Variants in ATAD3B observed in about 807,000 individuals in gnomAD.
The protein encoded by ATAD3B is ATPase family AAA domain containing 3B.
ATAD3B carries 59 observed loss-of-function variants against 70.2 expected under a neutral mutation model. The ratio of observed to expected loss-of-function variants is 0.84; its 90% confidence interval spans 0.68 to 1.04. ATAD3B has a LOEUF of 1.04. ATAD3B is among the 50% of genes least tolerant of loss of function. ATAD3B has a pLI of 0.00. For synonymous variants in ATAD3B, 423 were observed against 388.6 expected (o/e 1.09, Z -1.04); for missense variants, 961 against 913.4 (o/e 1.05, Z -0.67).
intron 12 of ATAD3B, 22 bp downstream of exon 12, chr1:1,487,936 T>G (rs760200386): frequency 6.2e-7 from 1 of 1,612,688 alleles, no homozygotes; most frequent in Non-Finnish European, 8.5e-7. Context: ...TAAGCCTCTG[T>G]CTGGCCACAG....
chr1:1,485,418 G>A (rs1640152160), intron 8 of ATAD3B, among the ~76,000 whole-genome samples: 2 of 152,006 alleles, frequency 1.3e-5, no homozygotes, highest in Admixed American at 6.6e-5. Context: ...GGAGCACATC[G>A]GGGTCCTTGC....
intron 2 of ATAD3B, chr1:1,478,282 C>T (rs1477050940): frequency 8.5e-6 from 7 of 828,126 alleles, no homozygotes; most frequent in Admixed American, 6.1e-5. Context: ...TAGGCAAGAG[C>T]GATGGCGCCC....
chr1:1,482,475 C>G (rs1476240646), intron 6 of ATAD3B, 70 bp from the exon 7 acceptor site: 2 of 1,611,942 alleles, frequency 1.2e-6, no homozygotes, highest in Non-Finnish European at 1.7e-6. Context: ...GGGCCTCACC[C>G]TCAACCTGCT....
At chr1:1,501,419 TA>T (rs1479469641), downstream of ATAD3B, among the ~76,000 whole-genome samples, 4 of 152,274 alleles carry the variant, frequency 2.6e-5, no homozygotes, top group African/African-American at 9.6e-5. Flanking sequence ...CACGCCCAGC[TA>T]ATTTTTTTAT....
Position 1,485,055 on chromosome 1 carries a change from G to T in ATAD3B, c.790G>T (p.Ala264Ser). 6.2e-7 allele frequency: 1 copy of T among 1,605,984 alleles called. No individual in the cohort carries two copies. Among genetic ancestry groups the T allele is most frequent in the Non-Finnish European group, 8.5e-7 (1 of 1,177,690 alleles). The change falls in exon 8 of 16, where the codon GCC becomes TCC. Residue 264 changes from alanine to serine, a missense_variant. Around this residue, in one of 4 missense-constraint regions of ATAD3B, gnomAD observed 349 missense variants for 307.5 expected, o/e 1.14. Transcript: ENST00000673477. ...LTLLAVGVYS[A>S]KNATAVTGRF... ...GCTGCTGGCTGTCGGGGTCTACTCA[G>T]CCAAGAATGCGACAGCCGTCACTGG...
chr1:1,504,238 G>T, the ATAD3B span, among the ~76,000 whole-genome samples: 1 of 151,746 alleles, frequency 6.6e-6, no homozygotes, highest in Non-Finnish European at 1.5e-5. Flanking sequence ...TACCTGCCTC[G>T]GCCTCCCAAA....
At chr1:1,501,507 G>A (rs569107783), downstream of ATAD3B, among the ~76,000 whole-genome samples, 10 of 152,122 alleles carry the variant, frequency 6.6e-5, no homozygotes, top group East Asian at 1.4e-3. Flanking sequence ...CGCCCGCCTC[G>A]GCCTCCCAAA....
Position 1,495,984 on chromosome 1 carries a change from G to T in ATAD3B, c.*167G>T, listed in dbSNP as rs1640774622. On this transcript the variant is annotated 3_prime_UTR_variant, in exon 16 of 16. Transcript: ENST00000673477. ...GAGCCCCTGGGGCAGAAGGAGTGGG[G>T]CAGGCGGGGTCTTTGTTCTCGGCTC... The T allele has an allele frequency of 2.2e-6, 3 of 1,372,044 alleles. No homozygotes were observed. Among genetic ancestry groups the T allele is most frequent in the African/African-American group, 2.9e-5 (2 of 68,816 alleles). The allele number at this position is 1,372,044 out of a possible 1,614,324, so 85.0% of individuals were successfully genotyped here.
intron 2 of ATAD3B, among the ~76,000 whole-genome samples, 160 bp downstream of exon 2, chr1:1,477,510 G>A (rs1042703908): frequency 2.0e-5 from 3 of 151,858 alleles, no homozygotes; most frequent in Admixed American, 6.6e-5. Context: ...AGGGAAACAA[G>A]GGGAGGTGAG....
At position 1,490,634 on chromosome 1, in the gene ATAD3B, C is replaced by T. The variant is rs754773241; in HGVS notation, c.1577C>T (p.Ser526Leu). ...SEVARLTEGM[S>L]GREIAQLAVS... ...GTCGCTCGGCTGACGGAGGGCATGT[C>T]GGGCCGGGAGATCGCTCAGCTGGCC... The change falls in exon 15 of 16, where the codon TCG (serine) becomes TTG (leucine). Residue 526 changes from serine to leucine, a missense_variant. Ser to Leu is a moderately radical substitution (Grantham distance 145). Around this residue, in one of 4 missense-constraint regions of ATAD3B, gnomAD observed 417 missense variants for 335.0 expected, o/e 1.24. Coordinates refer to ENST00000673477, the MANE Select transcript of ATAD3B (RefSeq NM_031921.6). 31 of 1,605,576 alleles carry T rather than the reference C, an allele frequency of 1.9e-5. No individual in the cohort carries two copies. The highest frequency in any genetic ancestry group is 5.6e-5 in the South Asian group (5 of 89,814).
At chr1:1,482,879 G>C (rs1419236789) in intron 7 of ATAD3B, among the ~76,000 whole-genome samples, 1 of 151,900 alleles carries the variant, frequency 6.6e-6, no homozygotes, top group Non-Finnish European at 1.5e-5. Context: ...GGTGGCGCCT[G>C]TGGTCCTGCT....
intron 6 of ATAD3B, 111 bp from the exon 7 acceptor site, chr1:1,482,432 CCT>C: frequency 6.3e-7 from 1 of 1,594,362 alleles, no homozygotes. Context: ...GGGCACTGCC[CCT>C]CTGTCCTGGC....
At chr1:1,503,329 G>A in the ATAD3B span, 1 of 466,072 alleles carries the variant, frequency 2.1e-6, no homozygotes, top group South Asian at 2.6e-5. Context: ...CCGTCCACGT[G>A]GGATGGCCTT....
chr1:1,481,914 G>A lies in ATAD3B; in HGVS notation c.515-224G>A, dbSNP rs557136555. Among the ~76,000 whole-genome samples the A allele has an allele frequency of 4.6e-5, 7 of 151,680 alleles. No individual in the cohort carries two copies. In the East Asian group the frequency reaches 5.8e-4, roughly 13 times the overall value. On this transcript the variant is annotated intron_variant, in intron 5 of 15. Coordinates refer to ENST00000673477, the MANE Select transcript of ATAD3B (RefSeq NM_031921.6). ...CCTTAGCCTGTTGGTGGCGTGGGCC[G>A]GTCCACGGCATGGGCCTGTCTGTGG...
chr1:1,494,717 T>C (rs1262161788), intron 15 of ATAD3B, among the ~76,000 whole-genome samples: 2 of 151,750 alleles, frequency 1.3e-5, no homozygotes, highest in Non-Finnish European at 2.9e-5. Flanking sequence ...CTCTGGGAGG[T>C]ACAGCTGGGA....
In ATAD3B at chr1:1,485,131, C is replaced by A; in HGVS notation, c.866C>A (p.Ser289Tyr). The A allele has an allele frequency of 6.2e-7, 1 of 1,610,572 alleles. No individual in the cohort carries two copies. The highest frequency in any genetic ancestry group is 8.5e-7 in the Non-Finnish European group (1 of 1,179,404). ...AAGCCGTCCCTAGTGAGGGAGACGT[C>A]CCGCATCACGGTGCTGGAGGCGCTG... is the stretch of plus-strand genomic sequence containing the variant. Reference protein sequence around the residue: ...LGKPSLVRETSRITVLEALRH... With the variant: ...LGKPSLVRETYRITVLEALRH... Residue 289 changes from serine to tyrosine, a missense_variant, in exon 8 of 16, where the codon TCC becomes TAC. Physicochemically the swap from Ser to Tyr is moderately radical, Grantham distance 144 (BLOSUM62 -2). Around this residue, in one of 4 missense-constraint regions of ATAD3B, gnomAD observed 349 missense variants for 307.5 expected, o/e 1.14. Coordinates refer to ENST00000673477, the MANE Select transcript of ATAD3B (RefSeq NM_031921.6).
intron 15 of ATAD3B, 132 bp downstream of exon 15, chr1:1,490,803 G>T: frequency 6.8e-7 from 1 of 1,474,376 alleles, no homozygotes. Flanking sequence ...GCACAGACGT[G>T]ACACAGGGCC....
At chr1:1,482,639 T>A (rs753754225) in intron 7 of ATAD3B, 25 bp downstream of exon 7, 3 of 1,613,238 alleles carry the variant, frequency 1.9e-6, no homozygotes, top group Non-Finnish European at 2.5e-6. Context: ...AAAACAGGGC[T>A]GGCAGGTGGC....
At chr1:1,503,576 G>C in the ATAD3B span, 5 of 1,609,094 alleles carry the variant, frequency 3.1e-6, no homozygotes, top group Admixed American at 8.4e-5. Context: ...GTGCCCCTGT[G>C]CCTGCAGGCC....
Sources: gnomAD v4.1 joint callset for allele counts (sites outside exome capture counted in the v4.1 genomes callset) on GRCh38, gnomAD v4.1.1 for gene constraint, gnomAD v4.1.1 regional missense constraint, MANE v1.5 for transcripts, NCBI Gene and HGNC (gene_info 2026-07-23, HGNC 2026-07-21) for gene names.